The following NCKIPSD variants were observed in gnomAD, a reference collection of about 807,000 sequenced individuals.
The protein encoded by NCKIPSD is NCK interacting protein with SH3 domain.
A neutral mutation model predicts 73.4 loss-of-function variants in NCKIPSD; 48 were observed. The observed-to-expected ratio is 0.65, with a 90% CI of 0.52 to 0.83. The LOEUF is 0.83. Ranked by LOEUF, NCKIPSD falls within the 40% of genes least tolerant of loss-of-function variation. The probability of loss-of-function intolerance (pLI) is 0.00; values close to 1 mark genes in which losing one functional copy is unlikely to be tolerated. For missense variants in NCKIPSD, 884 were observed against 970.2 expected, an observed-to-expected ratio of 0.91 and a Z score of 1.18; for synonymous variants, 422 against 403.6, an observed-to-expected ratio of 1.05 and a Z score of -0.54.
Position 48,674,681 on chromosome 3 carries a change from G to A in NCKIPSD, c.2032C>T (p.His678Tyr), listed in dbSNP as rs2077225380. ...VRTTPYLQHR[H>Y]RLPDLQAILR... ...ATGGCCTGCAGGTCGGGTAGCCGGT[G>A]GCGGTGCTGCAGGTAGGGTGTGGTG... Residue 678 changes from histidine (H) to tyrosine (Y), a missense_variant, in exon 13 of 13, where the codon CAC becomes TAC. Physicochemically the swap from His to Tyr is moderately conservative, Grantham distance 83 (BLOSUM62 2). Transcript: ENST00000294129. 1 of 1,613,992 alleles carries A rather than the reference G, an allele frequency of 6.2e-7. No homozygotes were observed. Among genetic ancestry groups the A allele is most frequent in the African/African-American group, 1.3e-5 (1 of 74,900 alleles).
At chr3:48,675,613 C>T (rs1212132143) in intron 12 of NCKIPSD, among the ~76,000 whole-genome samples, 1 of 149,796 alleles carries the variant, frequency 6.7e-6, no homozygotes, top group Non-Finnish European at 1.5e-5. Context: ...ATGATCTTGG[C>T]TCACTGCAAC....
Position 48,685,843 on chromosome 3 carries a change from G to A in NCKIPSD, c.-36C>T, listed in dbSNP as rs766954817. On this transcript the variant is annotated 5_prime_UTR_variant, in exon 1 of 13. Coordinates refer to ENST00000294129, the MANE Select transcript of NCKIPSD (RefSeq NM_016453.4). ...AGGGCAGGTGCAGGGAAGGTGGCAAGGGCTGCGGCGCCACAACGCCAGGCC... is the reference window on the plus strand; with the variant it reads ...AGGGCAGGTGCAGGGAAGGTGGCAAAGGCTGCGGCGCCACAACGCCAGGCC... 65 of 1,372,920 alleles carry A rather than the reference G, an allele frequency of 4.7e-5. No homozygotes were observed. Among genetic ancestry groups the A allele is most frequent in the Admixed American group, 7.6e-5 (2 of 26,474 alleles). The allele number at this position is 1,372,920 out of a possible 1,614,324, so 85.0% of individuals were successfully genotyped here.
In NCKIPSD at chr3:48,683,011, C is replaced by A. The variant is rs774843471; in HGVS notation, c.173G>T (p.Gly58Val). The stretch of plus-strand genomic sequence containing the variant: ...GGCCTGGAGGACATCCTGCTCCAGG[C>A]CCTGGGGGGGGCAGGGGACAGCAGT... ...VPPAYLRRLQGLEQDVLQAID... is the reference protein window; with the variant it reads ...VPPAYLRRLQVLEQDVLQAID... Residue 58 changes from glycine (G) to valine (V), a missense_variant and splice_region_variant, in exon 2 of 13, where the codon GGC (glycine) becomes GTC (valine). Gly to Val is a moderately radical substitution (Grantham distance 109). Transcript: ENST00000294129. 12 of 1,549,730 alleles carry A rather than the reference C, an allele frequency of 7.7e-6. No homozygotes were observed. The highest frequency in any genetic ancestry group is 9.6e-6 in the Non-Finnish European group (11 of 1,146,990).
chr3:48,685,056 T>C (rs1214190618), intron 1 of NCKIPSD, among the ~76,000 whole-genome samples: 1 of 149,820 alleles, frequency 6.7e-6, no homozygotes, highest in African/African-American at 2.5e-5. Context: ...GGGATGGAGG[T>C]GTCTATGGCT....
rs200333331 is a variant in NCKIPSD, at chr3:48,682,408, G to A, written c.426C>T (p.Phe142=). The change falls in exon 3 of 13, where the codon TTC becomes TTT. Residue 142 remains phenylalanine (F), a synonymous_variant. Transcript: ENST00000294129. ...RQPNGVCRAG[F]ERQHSLPSSE... is the part of the protein sequence containing the mutation. ...AACTGGGTAGGCTGTGCTGCCGCTCGAACCCAGCTCGACACACCCCATTGG... is the reference window on the plus strand; with the variant it reads ...AACTGGGTAGGCTGTGCTGCCGCTCAAACCCAGCTCGACACACCCCATTGG... 1.7e-4 allele frequency: 277 copies of A among 1,614,146 alleles called. 1 individual carries two copies. Among genetic ancestry groups the A allele is most frequent in the Non-Finnish European group, 2.0e-4 (238 of 1,180,012 alleles).
chr3:48,681,792 G>A lies in NCKIPSD; in HGVS notation c.599-12C>T. On this transcript the variant is annotated splice_polypyrimidine_tract_variant and intron_variant, in intron 4 of 12. Coordinates refer to ENST00000294129, the MANE Select transcript of NCKIPSD (RefSeq NM_016453.4). ...GGTGTTGTGGCCACCTGCGAGCAGT[G>A]AGTAGAAGCTGGGCCAGGGCAGCCC... The A allele has an allele frequency of 6.7e-7, 1 of 1,482,240 alleles. No homozygotes were observed. Among genetic ancestry groups the A allele is most frequent in the Non-Finnish European group, 8.9e-7 (1 of 1,118,124 alleles). The allele number at this position is 1,482,240 out of a possible 1,614,324, so 91.8% of individuals were successfully genotyped here.
intron 9 of NCKIPSD, 55 bp from the exon 10 acceptor site, chr3:48,679,238 C>T (rs1362045772): frequency 3.7e-6 from 6 of 1,610,664 alleles, no homozygotes; most frequent in Non-Finnish European, 5.1e-6. Context: ...ACCCCCGCAC[C>T]ACCCACCCTT....
Position 48,674,217 on chromosome 3 carries a change from G to A in NCKIPSD, c.*327C>T. 1 of 1,240,682 alleles carries A rather than the reference G, an allele frequency of 8.1e-7. No individual in the cohort carries two copies. The allele number at this position is 1,240,682 out of a possible 1,614,324, so 76.9% of individuals were successfully genotyped here. A position where few individuals can be genotyped will look rare whatever the true frequency, so the allele number is the denominator to read the frequency against. On this transcript the variant is annotated 3_prime_UTR_variant, in exon 13 of 13. Coordinates refer to ENST00000294129, the MANE Select transcript of NCKIPSD (RefSeq NM_016453.4). Reference sequence around the variant, plus strand: ...TACAGACCAGGAGGGGTGGGGATGGGGGTCTGGTCCAGCCTGGAGCGGCAG... The same window carrying A: ...TACAGACCAGGAGGGGTGGGGATGGAGGTCTGGTCCAGCCTGGAGCGGCAG...
intron 12 of NCKIPSD, among the ~76,000 whole-genome samples, chr3:48,675,528 GATATAT>G (rs5848856): frequency 8.2e-6 from 1 of 122,296 alleles, no homozygotes; most frequent in South Asian, 2.5e-4. Context: ...ATATATATAT[GATATAT>G]ATATATATAT....
At chr3:48,685,501 G>T in intron 1 of NCKIPSD, 136 bp downstream of exon 1, 1 of 1,163,364 alleles carries the variant, frequency 8.6e-7, no homozygotes, top group Non-Finnish European at 1.2e-6. Context: ...TCAGGGTCAG[G>T]TTCTCAAACT....
rs200642145 is a variant in NCKIPSD, at chr3:48,682,888, C to G, written c.281+15G>C. On this transcript the variant is annotated intron_variant, in intron 2 of 12. Coordinates refer to ENST00000294129, the MANE Select transcript of NCKIPSD (RefSeq NM_016453.4). Reference sequence around the variant, plus strand: ...GCTCACCGGGAGGTCCCACTTCACTCCCCTCAACACTCACTGGAGGACTCC... The same window carrying G: ...GCTCACCGGGAGGTCCCACTTCACTGCCCTCAACACTCACTGGAGGACTCC... The G allele has an allele frequency of 1.4e-5, 21 of 1,540,886 alleles. No homozygotes were observed. In the African/African-American group the frequency reaches 2.6e-4, roughly 19 times the overall value.
chr3:48,675,429 A>C (rs548734157), intron 12 of NCKIPSD, among the ~76,000 whole-genome samples: 4 of 149,900 alleles, frequency 2.7e-5, no homozygotes, highest in Non-Finnish European at 4.4e-5. Flanking sequence ...TTCATCTCCA[A>C]CAGCCTCTCC....
intron 12 of NCKIPSD, among the ~76,000 whole-genome samples, chr3:48,677,749 T>C (rs1335586272): frequency 6.6e-6 from 1 of 152,212 alleles, no homozygotes; most frequent in Non-Finnish European, 1.5e-5. Context: ...CTTGGTTCTC[T>C]TCCTGGGTTT....
chr3:48,685,791 T>C lies in NCKIPSD; in HGVS notation c.17A>G (p.Tyr6Cys). 2.0e-6 allele frequency: 3 copies of C among 1,519,664 alleles called. No homozygotes were observed. In the South Asian group the frequency reaches 3.7e-5, roughly 19 times the overall value. The allele number at this position is 1,519,664 out of a possible 1,614,324, so 94.1% of individuals were successfully genotyped here. Reference protein sequence around the residue: MYRALYAFRSAEPNAL... With the variant: MYRALCAFRSAEPNAL... ...GTTGGGCTCCGCCGAGCGGAACGCG[T>C]ACAGCGCGCGGTACATGAGGCCGGG... The change falls in exon 1 of 13, where the codon TAC becomes TGC. Residue 6 changes from tyrosine (Y) to cysteine (C), a missense_variant. By Grantham distance (194) the Tyr-to-Cys change is radical (BLOSUM62 -2). Coordinates refer to ENST00000294129, the MANE Select transcript of NCKIPSD (RefSeq NM_016453.4).
intron 1 of NCKIPSD, among the ~76,000 whole-genome samples, chr3:48,683,979 G>GACACACACACACACACACACAC (rs545029045): frequency 1.2e-4 from 16 of 131,190 alleles, no homozygotes; most frequent in African/African-American, 2.7e-4. Context: ...AAGACATGAA[G>GACACACACACACACACACACAC]ACACACACAC....
At chr3:48,683,059 G>A in intron 1 of NCKIPSD, 47 bp from the exon 2 acceptor site, 1 of 1,544,704 alleles carries the variant, frequency 6.5e-7, no homozygotes, top group Non-Finnish European at 8.7e-7. Flanking sequence ...CCAAACGGAG[G>A]TGCTCAGCCC....
intron 12 of NCKIPSD, 104 bp from the exon 13 acceptor site, chr3:48,674,851 T>C: frequency 8.5e-7 from 1 of 1,180,440 alleles, no homozygotes; most frequent in Non-Finnish European, 1.2e-6. Context: ...GCTGTGGACC[T>C]GAACATCAGG....
At chr3:48,680,938 C>T (rs113364448) in intron 5 of NCKIPSD, among the ~76,000 whole-genome samples, 2 of 152,300 alleles carry the variant, frequency 1.3e-5, no homozygotes, top group African/African-American at 4.8e-5. Flanking sequence ...CCAGACAGAA[C>T]TCTTGGCCAC....
rs2077348388 is a variant in NCKIPSD, at chr3:48,681,279, A to T, written c.1092+8T>A. 6.3e-7 allele frequency: 1 copy of T among 1,585,582 alleles called. No homozygotes were observed. The highest frequency in any genetic ancestry group is 1.7e-5 in the Admixed American group (1 of 57,266). ...GCAGGGTGGCCCTGCTGTGCCGCCC[A>T]CCCTCACCTTGCCCTCTACGAGTGA... is the stretch of plus-strand genomic sequence containing the variant. On this transcript the variant is annotated splice_region_variant and intron_variant, in intron 5 of 12. Transcript: ENST00000294129.
Sources: gnomAD v4.1 joint callset for allele counts (sites outside exome capture counted in the v4.1 genomes callset) on GRCh38, gnomAD v4.1.1 for gene constraint, MANE v1.5 for transcripts, NCBI Gene and HGNC (gene_info 2026-07-23, HGNC 2026-07-21) for gene names.